Variants in EP300 observed in about 807,000 individuals in gnomAD.
The protein encoded by EP300 is histone acetyltransferase p300.
In EP300, 31 loss-of-function variants were observed where a neutral mutation model predicts 264.0. That is an observed-to-expected ratio of 0.12 (90% CI 0.09 to 0.16). EP300 has a LOEUF of 0.16. Ranked by LOEUF, EP300 falls within the 10% of genes least tolerant of loss-of-function variation. The probability of loss-of-function intolerance (pLI) is 1.00; values close to 1 mark genes in which losing one functional copy is unlikely to be tolerated. For missense variants in EP300, 2,766 were observed against 3,052.9 expected, an observed-to-expected ratio of 0.91 and a Z score of 2.21; for synonymous variants, 1,340 against 1,045.4, an observed-to-expected ratio of 1.28 and a Z score of -5.44.
intron 15 of EP300, 46 bp from the exon 16 acceptor site, chr22:41,152,160 A>G (rs895149872): frequency 1.2e-6 from 2 of 1,603,914 alleles, no homozygotes. Context: ...ACTGATTCCC[A>G]ACTAGATATC....
intron 1 of EP300, among the ~76,000 whole-genome samples, chr22:41,114,429 G>C (rs1019973083): frequency 6.6e-6 from 1 of 152,088 alleles, no homozygotes; most frequent in Non-Finnish European, 1.5e-5. Flanking sequence ...TGCCCTCCTT[G>C]GCCTCACAAA....
intron 2 of EP300, among the ~76,000 whole-genome samples, chr22:41,121,331 A>G (rs2145701913): frequency 6.6e-6 from 1 of 152,320 alleles, no homozygotes; most frequent in Admixed American, 6.5e-5. Flanking sequence ...ACAAGATCAA[A>G]TAACTATAGT....
At chr22:41,150,815 T>A (rs1247873907) in intron 14 of EP300, among the ~76,000 whole-genome samples, 1 of 151,036 alleles carries the variant, frequency 6.6e-6, no homozygotes, top group Non-Finnish European at 1.5e-5. Context: ...GGCTTGAACC[T>A]GGGAGGTGGA....
chr22:41,140,945 A>G, intron 9 of EP300, 103 bp from the exon 10 acceptor site: 2 of 1,116,028 alleles, frequency 1.8e-6, no homozygotes, highest in Non-Finnish European at 2.6e-6. Context: ...TTAATGCAGC[A>G]TATAAAATGA....
At chr22:41,100,418 A>T (rs1188228014) in intron 1 of EP300, among the ~76,000 whole-genome samples, 1 of 152,182 alleles carries the variant, frequency 6.6e-6, no homozygotes, top group Non-Finnish European at 1.5e-5. Flanking sequence ...GCCTTATGTC[A>T]TCTATCCAAA....
Position 41,177,275 on chromosome 22 carries a change from C to G in EP300, c.5564C>G (p.Pro1855Arg). 1 of 1,614,100 alleles carries G rather than the reference C, an allele frequency of 6.2e-7. No individual in the cohort carries two copies. ...QGLPSPTPATPTTPTGQQPTT... is the reference protein window; with the variant it reads ...QGLPSPTPATRTTPTGQQPTT... Reference sequence around the variant, plus strand: ...CTCCCTTCCCCCACTCCTGCCACTCCAACGACACCAACTGGCCAACAGCCA... The same window carrying G: ...CTCCCTTCCCCCACTCCTGCCACTCGAACGACACCAACTGGCCAACAGCCA... Residue 1855 changes from proline (P) to arginine (R), a missense_variant, in exon 31 of 31, where the codon CCA (proline) becomes CGA (arginine). Transcript: ENST00000263253.
chr22:41,158,774 G>T (rs952778422), intron 19 of EP300: 1 of 437,986 alleles, frequency 2.3e-6, no homozygotes, highest in South Asian at 2.3e-5. Context: ...TATATCCCAG[G>T]CCCCACTTCT....
At chr22:41,093,148 T>G in intron 1 of EP300, 50 bp downstream of exon 1, 1 of 1,556,792 alleles carries the variant, frequency 6.4e-7, no homozygotes, top group Non-Finnish European at 8.9e-7. Flanking sequence ...TCTTTTCTAC[T>G]CGGTGCGCCT....
intron 16 of EP300, among the ~76,000 whole-genome samples, chr22:41,153,356 G>A (rs770437021): frequency 3.3e-5 from 5 of 152,092 alleles, no homozygotes; most frequent in East Asian, 1.9e-4. Context: ...ACAATGTGTT[G>A]TAAAATGTTG....
At chr22:41,115,586 C>T (rs566722649) in intron 1 of EP300, among the ~76,000 whole-genome samples, 1 of 152,260 alleles carries the variant, frequency 6.6e-6, no homozygotes, top group South Asian at 2.1e-4. Flanking sequence ...CCTAGTGCCA[C>T]CACACCCAGC....
chr22:41,160,133 T>G (rs565917041), intron 19 of EP300: 1 of 163,520 alleles, frequency 6.1e-6, no homozygotes, highest in Non-Finnish European at 1.3e-5. Flanking sequence ...ATATTTATCC[T>G]TCTTCCTCCT....
At chr22:41,176,566 G>T (rs372862254) in intron 30 of EP300, 38 bp downstream of exon 30, 1 of 1,612,548 alleles carries the variant, frequency 6.2e-7, no homozygotes, top group South Asian at 1.1e-5. Flanking sequence ...GGTGAGCTCC[G>T]CAGGGTTGTT....
In EP300 at chr22:41,177,603, C is replaced by G. The variant is rs377315704; in HGVS notation, c.5892C>G (p.Pro1964=). Reference sequence around the variant, plus strand: ...TGCCCCCGATGACTCCCATGGCCCCCATGGGTATGAACCCACCTCCCATGA... The same window carrying G: ...TGCCCCCGATGACTCCCATGGCCCCGATGGGTATGAACCCACCTCCCATGA... ...HQMPPMTPMA[P]MGMNPPPMTR... The change falls in exon 31 of 31, where the codon CCC becomes CCG. Residue 1964 remains proline, a synonymous_variant. Coordinates refer to ENST00000263253, the MANE Select transcript of EP300 (RefSeq NM_001429.4). 1 of 1,614,174 alleles carries G rather than the reference C, an allele frequency of 6.2e-7. No individual in the cohort carries two copies. The highest frequency in any genetic ancestry group is 1.7e-5 in the Admixed American group (1 of 60,028).
chr22:41,120,259 G>A (rs1277245965), intron 2 of EP300, among the ~76,000 whole-genome samples: 1 of 152,248 alleles, frequency 6.6e-6, no homozygotes, highest in South Asian at 2.1e-4. Context: ...GGATGCAGCG[G>A]TTCACACCTA....
intron 2 of EP300, among the ~76,000 whole-genome samples, chr22:41,119,181 T>TATTA (rs377580765): frequency 0.54 from 63,028 of 117,190 alleles, 17,125 homozygotes; most frequent in Admixed American, 0.66. Flanking sequence ...TATTATTTTT[T>TATTA]TTTTTTTTTT....
chr22:41,162,883 C>CT, intron 21 of EP300, 104 bp downstream of exon 21: 1 of 964,348 alleles, frequency 1.0e-6, no homozygotes, highest in Non-Finnish European at 1.7e-6. Context: ...TATTCTTGGG[C>CT]TAAATCTACA....
chr22:41,096,120 ACAAAT>A (rs1371694743), intron 1 of EP300, among the ~76,000 whole-genome samples: 1 of 152,190 alleles, frequency 6.6e-6, no homozygotes, highest in African/African-American at 2.4e-5. Context: ...TTAGGGTAAA[ACAAAT>A]CATTTGAGAA....
Position 41,179,176 on chromosome 22 carries a change from C to T in EP300, c.*220C>T, listed in dbSNP as rs2059224433. The T allele has an allele frequency of 1.7e-6, 1 of 593,774 alleles. No individual in the cohort carries two copies. Among genetic ancestry groups the T allele is most frequent in the Non-Finnish European group, 2.9e-6 (1 of 341,696 alleles). The allele number at this position is 593,774 out of a possible 1,614,324, so 36.8% of individuals were successfully genotyped here. A position where few individuals can be genotyped will look rare whatever the true frequency, so the allele number is the denominator to read the frequency against. On this transcript the variant is annotated 3_prime_UTR_variant, in exon 31 of 31. Coordinates refer to ENST00000263253, the MANE Select transcript of EP300 (RefSeq NM_001429.4). ...ATATATTTTTGTTATGGCTGGTTAC[C>T]ACCAGCCTTTCTTCCCCTTTGTGTG...
chr22:41,160,188 A>AC, intron 19 of EP300: 1 of 207,136 alleles, frequency 4.8e-6, no homozygotes, highest in Non-Finnish European at 1.0e-5. Flanking sequence ...AAATGAAAGG[A>AC]TATGGGTCTG....
Sources: gnomAD v4.1 joint callset for allele counts (sites outside exome capture counted in the v4.1 genomes callset) on GRCh38, gnomAD v4.1.1 for gene constraint, MANE v1.5 for transcripts, NCBI Gene and HGNC (gene_info 2026-07-23, HGNC 2026-07-21) for gene names.